The following SULT6B1 variants were observed in gnomAD, a reference collection of about 807,000 sequenced individuals.
SULT6B1 encodes sulfotransferase 6B1.
Under a neutral mutation model 37.2 loss-of-function variants are expected in SULT6B1, and 44 were observed. That is an observed-to-expected ratio of 1.18 (90% CI 0.93 to 1.52). The LOEUF is 1.52. SULT6B1 is among the 40% of genes most tolerant of loss of function. The pLI, the probability that SULT6B1 is intolerant of heterozygous loss-of-function variation, is 0.00. For missense variants in SULT6B1, 450 were observed against 361.0 expected, an observed-to-expected ratio of 1.25 and a Z score of -2.00; for synonymous variants, 140 against 126.0, an observed-to-expected ratio of 1.11 and a Z score of -0.74.
chr2:37,176,867 A>C (rs1400435012), intron 4 of SULT6B1, among the ~76,000 whole-genome samples: 2 of 152,116 alleles, frequency 1.3e-5, no homozygotes, highest in Non-Finnish European at 2.9e-5. Flanking sequence ...TTTCTGGCAA[A>C]ACTATTGCTG....
At chr2:37,182,600 A>G (rs1190252178) in intron 3 of SULT6B1, among the ~76,000 whole-genome samples, 11 of 152,150 alleles carry the variant, frequency 7.2e-5, no homozygotes, top group Admixed American at 7.2e-4. Context: ...AAGTGCTGGG[A>G]TTACAAGTGT....
rs376610656 is a variant in SULT6B1 at position 37,168,099 on chromosome 2, C to T, written c.782-34G>A. On this transcript the variant is annotated intron_variant, in intron 6 of 6. Coordinates refer to ENST00000535679, the MANE Select transcript of SULT6B1 (RefSeq NM_001367551.1). Reference sequence around the variant, plus strand: ...CACAAAAAACAGTAGACCCAGATATCTGTTAGAATATTTCTTCATGATTTT... The same window carrying T: ...CACAAAAAACAGTAGACCCAGATATTTGTTAGAATATTTCTTCATGATTTT... 2.8e-5 allele frequency: 43 copies of T among 1,535,134 alleles called. No individual in the cohort carries two copies. The African/African-American group carries it at 5.9e-4, about 21-fold the overall frequency.
intron 2 of SULT6B1, 100 bp from the exon 3 acceptor site, chr2:37,183,614 G>T: frequency 1.2e-6 from 1 of 838,616 alleles, no homozygotes. Context: ...ATAGTTTCTA[G>T]CACTACTGTC....
At chr2:37,174,246 T>C (rs1049943903) in intron 5 of SULT6B1, among the ~76,000 whole-genome samples, 23 of 144,352 alleles carry the variant, frequency 1.6e-4, no homozygotes, top group African/African-American at 5.6e-4. Context: ...TTTTTTTTTT[T>C]TTTTTTGATA....
chr2:37,180,260 A>T (rs1676521957), intron 3 of SULT6B1, among the ~76,000 whole-genome samples: 1 of 152,244 alleles, frequency 6.6e-6, no homozygotes, highest in Non-Finnish European at 1.5e-5. Context: ...CTGAATTCCG[A>T]GGAATCTGAA....
chr2:37,167,868 T>C lies in SULT6B1; in HGVS notation c.*67A>G. 7.5e-7 allele frequency: 1 copy of C among 1,332,116 alleles called. No individual in the cohort carries two copies. The highest frequency in any genetic ancestry group is 1.6e-5 in the South Asian group (1 of 62,906). The allele number at this position is 1,332,116 out of a possible 1,614,324, so 82.5% of individuals were successfully genotyped here. A position where few individuals can be genotyped will look rare whatever the true frequency, so the allele number is the denominator to read the frequency against. ...ATTATTTGATTATTTGATTGAATTA[T>C]CATTTAATTATTTACACTTAATTAT... On this transcript the variant is annotated 3_prime_UTR_variant, in exon 7 of 7. Coordinates refer to ENST00000535679, the MANE Select transcript of SULT6B1 (RefSeq NM_001367551.1).
At chr2:37,191,654 C>T (rs931917907), upstream of SULT6B1, among the ~76,000 whole-genome samples, 16 of 152,210 alleles carry the variant, frequency 1.1e-4, no homozygotes, top group Admixed American at 3.3e-4. Context: ...AACAATGGAA[C>T]AGCTATCAGC....
chr2:37,170,601 T>C (rs765793622), intron 6 of SULT6B1, among the ~76,000 whole-genome samples: 22 of 151,350 alleles, frequency 1.5e-4, no homozygotes, highest in Non-Finnish European at 2.5e-4. Context: ...AAACCCTGTC[T>C]CTATTAAAAA....
At chr2:37,169,992 ATACTT>A (rs1451843931) in intron 6 of SULT6B1, among the ~76,000 whole-genome samples, 12 of 152,218 alleles carry the variant, frequency 7.9e-5, no homozygotes, top group Non-Finnish European at 1.6e-4. Flanking sequence ...AGAACTTAGA[ATACTT>A]TAATGAAATA....
intron 5 of SULT6B1, among the ~76,000 whole-genome samples, chr2:37,173,801 A>G (rs1676356173): frequency 6.6e-6 from 1 of 152,106 alleles, no homozygotes; most frequent in Non-Finnish European, 1.5e-5. Flanking sequence ...CTGAGCCACC[A>G]TCTTCCTTTG....
At chr2:37,181,126 G>T (rs1056952793) in intron 3 of SULT6B1, among the ~76,000 whole-genome samples, 1 of 152,086 alleles carries the variant, frequency 6.6e-6, no homozygotes, top group Admixed American at 6.5e-5. Flanking sequence ...AACACCAACA[G>T]GATAAAATTG....
chr2:37,188,428 G>A lies in SULT6B1; in HGVS notation c.199+14C>T, dbSNP rs567993434. ...TATGAGAAGTGTACTTGTAGGAAAC[G>A]ACTTGTCATTTACCGCACTTTGGAT... On this transcript the variant is annotated intron_variant, in intron 1 of 6. Transcript: ENST00000535679. The A allele has an allele frequency of 3.7e-6, 6 of 1,608,110 alleles. No homozygotes were observed. In the East Asian group the frequency reaches 6.7e-5, roughly 18 times the overall value.
Position 37,167,992 on chromosome 2 carries a change from G to A in SULT6B1, c.855C>T (p.Cys285=), listed in dbSNP as rs1210513963. ...TTGCTCCGAGGGAGGTGCCTGCTAA[G>A]CACTCTTTGAATTTTTCATCCATTT... ...NQEMDEKFKE[C]LAGTSLGAKL... is the part of the protein sequence containing the mutation. The change falls in exon 7 of 7, where the codon TGC becomes TGT. Residue 285 remains cysteine (C), a synonymous_variant. Coordinates refer to ENST00000535679, the MANE Select transcript of SULT6B1 (RefSeq NM_001367551.1). 4 of 1,601,376 alleles carry A rather than the reference G, an allele frequency of 2.5e-6. No homozygotes were observed. Among genetic ancestry groups the A allele is most frequent in the East Asian group, 2.3e-5 (1 of 43,730 alleles).
rs1351980529 is a variant in SULT6B1 at position 37,188,668 on chromosome 2, T to C, written c.-28A>G. 1.2e-6 allele frequency: 1 copy of C among 830,706 alleles called. No homozygotes were observed. The highest frequency in any genetic ancestry group is 2.7e-5 in the East Asian group (1 of 37,300). The allele number at this position is 830,706 out of a possible 1,614,324, so 51.5% of individuals were successfully genotyped here. ...TGGCTCCCTGTAAAAGAACCTGCTCTGTGGCTGTTCAGGGGGAGTGATTGC... is the reference window on the plus strand; with the variant it reads ...TGGCTCCCTGTAAAAGAACCTGCTCCGTGGCTGTTCAGGGGGAGTGATTGC... On this transcript the variant is annotated 5_prime_UTR_variant, in exon 1 of 7. Coordinates refer to ENST00000535679, the MANE Select transcript of SULT6B1 (RefSeq NM_001367551.1).
At chr2:37,185,587 G>A (rs756205836) in intron 2 of SULT6B1, among the ~76,000 whole-genome samples, 4 of 151,804 alleles carry the variant, frequency 2.6e-5, no homozygotes, top group Non-Finnish European at 5.9e-5. Context: ...GCATGATGGC[G>A]CACACCTATA....
At chr2:37,193,597 A>AAAGAAGAAGAAGAAGAAC (rs1676827732), upstream of SULT6B1, among the ~76,000 whole-genome samples, 1 of 113,796 alleles carries the variant, frequency 8.8e-6, no homozygotes, top group Non-Finnish European at 1.7e-5. Context: ...AGAAGAAGAA[A>AAAGAAGAAGAAGAAGAAC]AAGAAGAAGA....
upstream of SULT6B1, chr2:37,191,245 C>T (rs1375675394): frequency 9.7e-6 from 1 of 102,924 alleles, no homozygotes; most frequent in Non-Finnish European, 1.9e-5. Context: ...AAGGCCATGG[C>T]ATTTTTCACT....
At chr2:37,177,040 A>T (rs886341610) in intron 4 of SULT6B1, among the ~76,000 whole-genome samples, 1 of 152,160 alleles carries the variant, frequency 6.6e-6, no homozygotes, top group South Asian at 2.1e-4. Flanking sequence ...GATCCCAGGA[A>T]CCAGCTACCT....
chr2:37,179,631 A>G lies in SULT6B1; in HGVS notation c.403-47T>C, dbSNP rs750900958. On this transcript the variant is annotated intron_variant, in intron 3 of 6. Coordinates refer to ENST00000535679, the MANE Select transcript of SULT6B1 (RefSeq NM_001367551.1). The stretch of plus-strand genomic sequence containing the variant: ...AATTTATTTGGGTCTATGTTTTGAA[A>G]TTTGGAAAATTAAAAGGGTGAGCAA... The G allele has an allele frequency of 2.6e-6, 4 of 1,567,108 alleles. No individual in the cohort carries two copies. The South Asian group carries it at 3.4e-5, about 13-fold the overall frequency.
Sources: allele counts gnomAD v4.1 joint callset (sites outside exome capture counted in the v4.1 genomes callset), GRCh38; gene constraint gnomAD v4.1.1; transcripts MANE v1.5; gene names NCBI Gene and HGNC (gene_info 2026-07-23, HGNC 2026-07-21).